Variants in NTM observed in about 807,000 individuals in gnomAD.
NTM encodes the protein IgLON family member 2.
NTM carries 13 observed loss-of-function variants against 42.1 expected under a neutral mutation model. The ratio of observed to expected loss-of-function variants is 0.31; its 90% CI spans 0.20 to 0.49. The LOEUF (loss-of-function observed/expected upper bound fraction) is 0.49. Among genes scored for constraint, NTM ranks in the 20% least tolerant of loss-of-function variants. The probability of loss-of-function intolerance (pLI) is 0.99; values close to 1 mark genes in which losing one functional copy is unlikely to be tolerated. For synonymous variants in NTM, 187 were observed against 179.2 expected, an observed-to-expected ratio of 1.04 and a Z score of -0.35; for missense variants, 373 against 452.8, an observed-to-expected ratio of 0.82 and a Z score of 1.60.
chr11:132,056,806 G>T (rs1475401259), intron 2 of NTM, among the ~76,000 whole-genome samples: 1 of 152,056 alleles, frequency 6.6e-6, no homozygotes, highest in Non-Finnish European at 1.5e-5. Flanking sequence ...CTCAACCTTT[G>T]TATGTTCAAC....
intron 1 of NTM, among the ~76,000 whole-genome samples, chr11:131,710,117 C>T (rs2076971434): frequency 6.6e-6 from 1 of 152,118 alleles, no homozygotes; most frequent in South Asian, 2.1e-4. Flanking sequence ...AGCAGAAAGC[C>T]ATGAGAGACA....
At chr11:132,245,748 A>G (rs1169579853) in intron 4 of NTM, among the ~76,000 whole-genome samples, 1 of 151,986 alleles carries the variant, frequency 6.6e-6, no homozygotes, top group African/African-American at 2.4e-5. Context: ...CCTTCCCCTC[A>G]TGCCACTACT....
intron 1 of NTM, among the ~76,000 whole-genome samples, chr11:131,549,687 T>A (rs999483268): frequency 6.6e-6 from 1 of 152,202 alleles, no homozygotes; most frequent in African/African-American, 2.4e-5. Context: ...GTGTCTTCGA[T>A]CCTCAGAAAG....
chr11:131,966,174 A>G (rs2062813268), intron 2 of NTM, among the ~76,000 whole-genome samples: 1 of 152,198 alleles, frequency 6.6e-6, no homozygotes, highest in Non-Finnish European at 1.5e-5. Flanking sequence ...GGAAGAAAAT[A>G]GTGGGAGATG....
intron 1 of NTM, among the ~76,000 whole-genome samples, chr11:131,758,811 C>G (rs1479321253): frequency 2.0e-5 from 3 of 152,050 alleles, no homozygotes; most frequent in Admixed American, 6.5e-5. Context: ...AGGCTGGTCT[C>G]AAACTCCTGA....
intron 1 of NTM, among the ~76,000 whole-genome samples, chr11:131,471,168 G>A (rs1952404280): frequency 6.6e-6 from 1 of 152,208 alleles, no homozygotes; most frequent in African/African-American, 2.4e-5. Flanking sequence ...TCAGACTGGG[G>A]AGGGCAGCCT....
intron 3 of NTM, among the ~76,000 whole-genome samples, chr11:132,160,185 G>T (rs2073999876): frequency 6.6e-6 from 1 of 152,174 alleles, no homozygotes; most frequent in Non-Finnish European, 1.5e-5. Context: ...TGCCCATTTG[G>T]GACTGGCAGT....
At chr11:131,658,155 A>G (rs1019183627) in intron 1 of NTM, among the ~76,000 whole-genome samples, 4 of 152,100 alleles carry the variant, frequency 2.6e-5, no homozygotes, top group African/African-American at 9.7e-5. Context: ...CAGGGCTAGG[A>G]TCTTAGTTCC....
At chr11:131,420,384 C>A (rs1055472230) in intron 1 of NTM, among the ~76,000 whole-genome samples, 4 of 152,182 alleles carry the variant, frequency 2.6e-5, no homozygotes, top group Non-Finnish European at 5.9e-5. Flanking sequence ...CTAGAACCTG[C>A]AGGTAGAACC....
At chr11:132,152,644 G>A (rs960861756) in intron 3 of NTM, among the ~76,000 whole-genome samples, 3 of 152,202 alleles carry the variant, frequency 2.0e-5, no homozygotes, top group African/African-American at 7.2e-5. Context: ...TATCTAGACA[G>A]CATGCAGATG....
At chr11:131,613,386 C>T (rs1293545150) in intron 1 of NTM, among the ~76,000 whole-genome samples, 2 of 152,244 alleles carry the variant, frequency 1.3e-5, no homozygotes, top group East Asian at 3.9e-4. Flanking sequence ...CCCCATGGTC[C>T]TCGGTGAGGA....
chr11:131,584,869 C>T (rs916741080), intron 1 of NTM, among the ~76,000 whole-genome samples: 3 of 152,164 alleles, frequency 2.0e-5, no homozygotes, highest in Non-Finnish European at 4.4e-5. Context: ...CTCTCCGGGC[C>T]TCCCCCTCTC....
chr11:132,106,643 C>T (rs1012063388), intron 2 of NTM, among the ~76,000 whole-genome samples: 3 of 152,244 alleles, frequency 2.0e-5, no homozygotes, highest in Admixed American at 6.5e-5. Context: ...TGTCTGTACC[C>T]ACAGCCTACC....
chr11:131,545,625 T>A (rs1370659061), intron 1 of NTM, among the ~76,000 whole-genome samples: 1 of 152,100 alleles, frequency 6.6e-6, no homozygotes, highest in Non-Finnish European at 1.5e-5. Context: ...CCATACTGAA[T>A]CAACAAAGGG....
At position 132,169,211 on chromosome 11, in the gene NTM, T is replaced by A. The variant is rs550922887; in HGVS notation, c.400+22697T>A. Among the ~76,000 whole-genome samples, 376 of 151,408 alleles carry A rather than the reference T, an allele frequency of 2.5e-3. 1 individual carries two copies. Among genetic ancestry groups the A allele is most frequent in the Non-Finnish European group, 4.2e-3 (283 of 67,920 alleles). On this transcript the variant is annotated intron_variant, in intron 3 of 8. Coordinates refer to ENST00000683400, the MANE Select transcript of NTM (RefSeq NM_001352005.2). ...ATGGTTGAGTAATCAGCTGTAGCCA[T>A]CCATTATAGGATGGAGCCATCACAC...
intron 1 of NTM, among the ~76,000 whole-genome samples, chr11:131,606,781 C>T (rs986694897): frequency 2.6e-5 from 4 of 152,160 alleles, no homozygotes; most frequent in African/African-American, 9.7e-5. Flanking sequence ...TAAACTCTCC[C>T]TGGCAGTCTA....
At chr11:131,932,921 G>GC (rs2058791539) in intron 2 of NTM, among the ~76,000 whole-genome samples, 1 of 152,156 alleles carries the variant, frequency 6.6e-6, no homozygotes, top group Admixed American at 6.5e-5. Context: ...CGGTGAATAA[G>GC]CCAGAAGCCA....
intron 1 of NTM, among the ~76,000 whole-genome samples, chr11:131,562,039 T>C (rs2056300092): frequency 6.6e-6 from 1 of 152,232 alleles, no homozygotes; most frequent in South Asian, 2.1e-4. Context: ...TTTTTTATTT[T>C]TTAGGATTTT....
intron 2 of NTM, among the ~76,000 whole-genome samples, chr11:131,915,272 T>C (rs1027913199): frequency 1.3e-5 from 2 of 152,202 alleles, no homozygotes; most frequent in Non-Finnish European, 1.5e-5. Context: ...TCAGGACCCT[T>C]TGGATTCGTG....
Sources: gnomAD v4.1 joint callset for allele counts (sites outside exome capture counted in the v4.1 genomes callset) on GRCh38, gnomAD v4.1.1 for gene constraint, MANE v1.5 for transcripts, NCBI Gene and HGNC (gene_info 2026-07-23, HGNC 2026-07-21) for gene names.